Variants in LIAS observed in about 807,000 individuals in gnomAD.
LIAS encodes the protein lipoic acid synthetase.
In LIAS, 36 loss-of-function variants were observed where a neutral mutation model predicts 49.4. The observed-to-expected ratio is 0.73, with a 90% CI of 0.56 to 0.96. LIAS has a LOEUF of 0.96. Ranked by LOEUF, LIAS falls within the 40% of genes least tolerant of loss-of-function variation. The pLI, the probability that LIAS is intolerant of heterozygous loss-of-function variation, is 0.00. For missense variants in LIAS, 399 were observed against 456.3 expected (o/e 0.87, Z 1.14); for synonymous variants, 145 against 155.8 (o/e 0.93, Z 0.52).
At chr4:39,461,655 G>A (rs913900775) in intron 2 of LIAS, among the ~76,000 whole-genome samples, 5 of 152,166 alleles carry the variant, frequency 3.3e-5, no homozygotes, top group African/African-American at 7.2e-5. Context: ...AAAGGTAGAC[G>A]TGAGTATAGC....
At chr4:39,475,306 G>A (rs4975018) in intron 10 of LIAS, 73,656 of 151,924 alleles carry the variant, frequency 0.48, 19,545 homozygotes, top group East Asian at 0.67. Context: ...GCTTGAACCC[G>A]AGAGACAGAG....
rs1467308371 is a variant in LIAS at position 39,459,140 on chromosome 4, C to T, written c.23C>T (p.Ala8Val). MSLRCGD[A>V]ARTLGPRVFG... is the part of the protein sequence containing the mutation. ...GAAATGTCTCTACGCTGCGGGGATG[C>T]AGCCCGCACCCTGGGGCCCCGGGTG... is the stretch of plus-strand genomic sequence containing the variant. The change falls in exon 1 of 11, where the codon GCA (alanine) becomes GTA (valine). Residue 8 changes from alanine to valine, a missense_variant. By Grantham distance (64) the Ala-to-Val change is moderately conservative (BLOSUM62 0). Transcript: ENST00000640888. The T allele has an allele frequency of 5.0e-6, 8 of 1,613,678 alleles. No homozygotes were observed. In the South Asian group the frequency reaches 6.6e-5, roughly 13 times the overall value.
intron 6 of LIAS, among the ~76,000 whole-genome samples, chr4:39,465,585 G>A (rs1649834660): frequency 6.6e-6 from 1 of 152,074 alleles, no homozygotes; most frequent in Non-Finnish European, 1.5e-5. Context: ...TTAGCCCATA[G>A]AATCCCTCCC....
At chr4:39,475,658 G>C (rs1007383230) in intron 10 of LIAS, 5 of 152,378 alleles carry the variant, frequency 3.3e-5, no homozygotes, top group African/African-American at 1.2e-4. Flanking sequence ...GAGCCCAGGA[G>C]TTCAAGACCA....
In LIAS at chr4:39,460,843, T is replaced by TA. The variant is rs748571616; in HGVS notation, c.107dup (p.Glu37GlyfsTer16). On this transcript the variant is annotated frameshift_variant, in exon 2 of 11. Coordinates refer to ENST00000640888, the MANE Select transcript of LIAS (RefSeq NM_006859.4). LOFTEE classifies it high-confidence loss of function. ...TCAGACCGTTAAGCTCCTTGCCAGA[T>TA]AAAAAAAAGGAACTCCTACAGAATG... 34 of 1,604,576 alleles carry TA rather than the reference T, an allele frequency of 2.1e-5. No individual in the cohort carries two copies. The highest frequency in any genetic ancestry group is 8.1e-5 in the African/African-American group (6 of 74,282).
chr4:39,464,215 A>G (rs951714258), intron 4 of LIAS: 3 of 152,088 alleles, frequency 2.0e-5, no homozygotes, highest in African/African-American at 7.2e-5. Flanking sequence ...ACTTGCCTGT[A>G]TACCCAACTT....
intron 10 of LIAS, chr4:39,476,505 A>G (rs1578248116): frequency 6.5e-6 from 1 of 152,680 alleles, no homozygotes; most frequent in Non-Finnish European, 1.5e-5. Flanking sequence ...TGGCCTAAAA[A>G]GAGAATGTGC....
chr4:39,467,606 G>A lies in LIAS; in HGVS notation c.697G>A (p.Val233Met). Residue 233 changes from valine to methionine, a missense_variant, in exon 7 of 11, where the codon GTG becomes ATG. By Grantham distance (21) the Val-to-Met change is conservative. Transcript: ENST00000640888. ...IEKVALSGLD[V>M]YAHNVETVPE... is the part of the protein sequence containing the mutation. ...AAAAGTTGCTCTGTCAGGATTAGAT[G>A]TGTATGCACATAATGTAGAAACAGT... 6.2e-7 allele frequency: 1 copy of A among 1,603,054 alleles called. No homozygotes were observed. Among genetic ancestry groups the A allele is most frequent in the Non-Finnish European group, 8.5e-7 (1 of 1,174,326 alleles).
rs1315541765 is a variant in LIAS, at chr4:39,477,052, T to C, written c.1067-11T>C. On this transcript the variant is annotated splice_polypyrimidine_tract_variant and intron_variant, in intron 10 of 10. Transcript: ENST00000640888. ...AATTGATATTAATGTGTTTTCCTTT[T>C]TCCTAAATAGGTGAATTTTTCCTGA... 2 of 1,548,826 alleles carry C rather than the reference T, an allele frequency of 1.3e-6. No individual in the cohort carries two copies. The highest frequency in any genetic ancestry group is 2.4e-5 in the South Asian group (2 of 84,970).
rs566381236 is a variant in LIAS, at chr4:39,464,961, C to A, written c.394-85C>A. ...TAAACAGAACCAAACTGTATGCATT[C>A]TTTGCAACTTGCTTTATTCTCTCAA... is the stretch of plus-strand genomic sequence containing the variant. On this transcript the variant is annotated intron_variant, in intron 4 of 10. Transcript: ENST00000640888. 8.0e-6 allele frequency: 9 copies of A among 1,127,398 alleles called. No homozygotes were observed. The African/African-American group carries it at 1.1e-4, about 14-fold the overall frequency. The allele number at this position is 1,127,398 out of a possible 1,614,324, so 69.8% of individuals were successfully genotyped here. A position where few individuals can be genotyped will look rare whatever the true frequency, so the allele number is the denominator to read the frequency against.
intron 9 of LIAS, 56 bp downstream of exon 9, chr4:39,471,362 T>G: frequency 5.0e-6 from 7 of 1,402,890 alleles, no homozygotes; most frequent in Non-Finnish European, 5.9e-6. Flanking sequence ...AGATGGAGTT[T>G]TGCTCTTGTC....
intron 2 of LIAS, 31 bp from the exon 3 acceptor site, chr4:39,462,165 T>C: frequency 9.9e-7 from 1 of 1,010,888 alleles, no homozygotes; most frequent in Non-Finnish European, 1.4e-6. Flanking sequence ...AGCATATTTG[T>C]TAATAGATAG....
chr4:39,470,384 T>G (rs1279332087), intron 8 of LIAS, among the ~76,000 whole-genome samples: 5 of 152,020 alleles, frequency 3.3e-5, no homozygotes, highest in Admixed American at 3.3e-4. Flanking sequence ...TGGAGTGATA[T>G]GCATGACGCT....
intron 2 of LIAS, among the ~76,000 whole-genome samples, chr4:39,461,280 C>T (rs1744486899): frequency 6.6e-6 from 1 of 152,212 alleles, no homozygotes; most frequent in Non-Finnish European, 1.5e-5. Flanking sequence ...GATGATCTAA[C>T]TTGTGCTTCT....
chr4:39,464,973 C>A, intron 4 of LIAS, 73 bp from the exon 5 acceptor site: 1 of 1,286,136 alleles, frequency 7.8e-7, no homozygotes, highest in Non-Finnish European at 1.1e-6. Context: ...TTGCAACTTG[C>A]TTTATTCTCT....
rs916466236 is a variant in LIAS, at chr4:39,477,859, C to T, written c.*744C>T. On this transcript the variant is annotated 3_prime_UTR_variant, in exon 11 of 11. Transcript: ENST00000640888. ...ACGTGGTGGCACGCACCCGTAGTCC[C>T]AGCTACTCAGGCTGAGGTGAGAGGA... 1 of 152,086 alleles carries T rather than the reference C, an allele frequency of 6.6e-6. No homozygotes were observed. The highest frequency in any genetic ancestry group is 2.4e-5 in the African/African-American group (1 of 41,362). 9.4% of individuals were successfully genotyped at this position (152,086 alleles called of 1,614,324 possible). A position where few individuals can be genotyped will look rare whatever the true frequency, so the allele number is the denominator to read the frequency against.
chr4:39,467,371 G>T, intron 6 of LIAS, 147 bp from the exon 7 acceptor site: 19 of 590,818 alleles, frequency 3.2e-5, no homozygotes, highest in Non-Finnish European at 4.0e-5. Context: ...GTTCATGTAT[G>T]AACATCTGTA....
At chr4:39,469,259 A>G (rs1173463782) in intron 7 of LIAS, 1 of 152,242 alleles carries the variant, frequency 6.6e-6, no homozygotes, top group East Asian at 1.9e-4. Flanking sequence ...TGATTTCTAT[A>G]ATGTCAGTTT....
Position 39,465,028 on chromosome 4 carries a change from G to A in LIAS, c.394-18G>A, listed in dbSNP as rs1744703827. ...GTCATCTGTCTATTTCATTTAAATT[G>A]TAACATTTCTATTCTAGTTGATGGG... On this transcript the variant is annotated intron_variant, in intron 4 of 10. Coordinates refer to ENST00000640888, the MANE Select transcript of LIAS (RefSeq NM_006859.4). The A allele has an allele frequency of 6.3e-7, 1 of 1,599,106 alleles. No individual in the cohort carries two copies. Among genetic ancestry groups the A allele is most frequent in the Non-Finnish European group, 8.6e-7 (1 of 1,169,092 alleles).
Sources: gnomAD v4.1 joint callset for allele counts (sites outside exome capture counted in the v4.1 genomes callset) on GRCh38, gnomAD v4.1.1 for gene constraint, MANE v1.5 for transcripts, NCBI Gene and HGNC (gene_info 2026-07-23, HGNC 2026-07-21) for gene names.